Variants in MTHFD1L observed in about 807,000 individuals in gnomAD.
The protein encoded by MTHFD1L is monofunctional C1-tetrahydrofolate synthase, mitochondrial.
Under a neutral mutation model 119.5 loss-of-function variants are expected in MTHFD1L, and 81 were observed. The ratio of observed to expected loss-of-function variants is 0.68; its 90% CI spans 0.57 to 0.82. MTHFD1L has a LOEUF of 0.82. MTHFD1L is among the 40% of genes least tolerant of loss of function. The pLI is 0.00. For missense variants in MTHFD1L, 1,125 were observed against 1,253.4 expected, an observed-to-expected ratio of 0.90 and a Z score of 1.55; for synonymous variants, 430 against 475.2, an observed-to-expected ratio of 0.90 and a Z score of 1.24.
chr6:150,948,001 G>T (rs1462213264), intron 15 of MTHFD1L, among the ~76,000 whole-genome samples: 4 of 151,460 alleles, frequency 2.6e-5, no homozygotes, highest in African/African-American at 7.3e-5. Flanking sequence ...TTTTTTGTTT[G>T]TTTTTTGTTT....
intron 24 of MTHFD1L, among the ~76,000 whole-genome samples, chr6:151,029,813 TAAC>T (rs963162870): frequency 1.3e-5 from 2 of 152,196 alleles, no homozygotes; most frequent in Non-Finnish European, 2.9e-5. Flanking sequence ...TTTTTTTAAA[TAAC>T]AACTCAGCCA....
At chr6:151,015,823 A>C in intron 24 of MTHFD1L, 130 bp downstream of exon 24, 8 of 1,145,176 alleles carry the variant, frequency 7.0e-6, no homozygotes, top group Non-Finnish European at 7.2e-6. Context: ...GCAGTGGCTC[A>C]CGCCTGTAAT....
intron 15 of MTHFD1L, among the ~76,000 whole-genome samples, chr6:150,945,748 GA>G (rs1287965767): frequency 6.6e-6 from 1 of 152,168 alleles, no homozygotes; most frequent in African/African-American, 2.4e-5. Context: ...GAGCCAGGTG[GA>G]CAAATTAATT....
In MTHFD1L at chr6:150,971,985, C is replaced by T; in HGVS notation, c.2052C>T (p.Asn684=). Reference sequence around the variant, plus strand: ...TCGTGCATGCGGGCCCTTTTGCTAACATTGCTCACGGCAACTCTTCAGTGT... The same window carrying T: ...TCGTGCATGCGGGCCCTTTTGCTAATATTGCTCACGGCAACTCTTCAGTGT... ...PVFVHAGPFA[N]IAHGNSSVLA... The change falls in exon 20 of 28, where the codon AAC becomes AAT. Residue 684 remains asparagine, a synonymous_variant. Coordinates refer to ENST00000367321, the MANE Select transcript of MTHFD1L (RefSeq NM_015440.5). 1.2e-6 allele frequency: 2 copies of T among 1,614,160 alleles called. No individual in the cohort carries two copies. The highest frequency in any genetic ancestry group is 1.7e-6 in the Non-Finnish European group (2 of 1,180,016).
chr6:150,998,002 C>T (rs1457169400), intron 20 of MTHFD1L, among the ~76,000 whole-genome samples: 1 of 152,178 alleles, frequency 6.6e-6, no homozygotes, highest in Non-Finnish European at 1.5e-5. Flanking sequence ...GACTCTGTGC[C>T]TGTGACTCTT....
At chr6:151,005,438 G>A (rs1781252958) in intron 20 of MTHFD1L, among the ~76,000 whole-genome samples, 1 of 152,042 alleles carries the variant, frequency 6.6e-6, no homozygotes, top group South Asian at 2.1e-4. Flanking sequence ...AGAGAATTTG[G>A]CACTTTCTTT....
chr6:150,896,236 C>A (rs912533243), intron 7 of MTHFD1L, among the ~76,000 whole-genome samples: 2 of 152,178 alleles, frequency 1.3e-5, no homozygotes, highest in African/African-American at 4.8e-5. Context: ...CCTAGACATT[C>A]GACTTGTGTT....
chr6:150,907,145 C>T (rs1433055490), intron 8 of MTHFD1L, among the ~76,000 whole-genome samples: 1 of 151,920 alleles, frequency 6.6e-6, no homozygotes. Flanking sequence ...GTAATATTTA[C>T]TTGCTGTGTT....
At chr6:150,998,298 G>T (rs1780112816) in intron 20 of MTHFD1L, among the ~76,000 whole-genome samples, 1 of 151,778 alleles carries the variant, frequency 6.6e-6, no homozygotes, top group Non-Finnish European at 1.5e-5. Context: ...TAAAGTTTAA[G>T]ATATTTTCCT....
At chr6:151,027,481 A>G (rs951504610) in intron 24 of MTHFD1L, among the ~76,000 whole-genome samples, 2 of 152,198 alleles carry the variant, frequency 1.3e-5, no homozygotes, top group East Asian at 3.9e-4. Context: ...ATATTAGTCA[A>G]TATTTACAGA....
At position 151,100,577 on chromosome 6, in the gene MTHFD1L, C is replaced by A. The variant is rs182213525; in HGVS notation, c.*32-949C>A. 1.4e-4 allele frequency among the ~76,000 whole-genome samples: 21 copies of A among 151,466 alleles called. 1 individual carries two copies. The highest frequency in any genetic ancestry group is 4.8e-4 in the African/African-American group (20 of 41,286). The stretch of plus-strand genomic sequence containing the variant: ...ATGTGTAAGTTCAGATTAAAGGCAA[C>A]ATATTGCATTTACATTTTAGAGAGG... On this transcript the variant is annotated intron_variant, in intron 27 of 27. Coordinates refer to ENST00000367321, the MANE Select transcript of MTHFD1L (RefSeq NM_015440.5).
chr6:151,040,410 A>G (rs1786916339), intron 26 of MTHFD1L, among the ~76,000 whole-genome samples: 1 of 152,248 alleles, frequency 6.6e-6, no homozygotes, highest in Non-Finnish European at 1.5e-5. Flanking sequence ...AGCATTTAAT[A>G]GCCATTAAAT....
chr6:151,014,169 T>C (rs1432600965), intron 22 of MTHFD1L, among the ~76,000 whole-genome samples: 1 of 152,152 alleles, frequency 6.6e-6, no homozygotes, highest in Non-Finnish European at 1.5e-5. Flanking sequence ...ATCGCACCAC[T>C]GTACTCCAGC....
At chr6:151,094,243 G>C (rs1011211944) in intron 27 of MTHFD1L, among the ~76,000 whole-genome samples, 1 of 152,204 alleles carries the variant, frequency 6.6e-6, no homozygotes, top group Admixed American at 6.5e-5. Flanking sequence ...GGCCTTTGCA[G>C]ATGAGCTTTT....
In MTHFD1L at chr6:150,920,939, A is replaced by ATTTTTTTTTTTTTTTTTTTTTT. The variant is rs869169480; in HGVS notation, c.985-1258_985-1237dup. Among the ~76,000 whole-genome samples, 2 of 96,874 alleles carry ATTTTTTTTTTTTTTTTTTTTTT rather than the reference A, an allele frequency of 2.1e-5. 1 individual carries two copies. Among genetic ancestry groups the ATTTTTTTTTTTTTTTTTTTTTT allele is most frequent in the Non-Finnish European group, 3.9e-5 (2 of 50,754 alleles). The allele number at this position is 96,874 out of a possible 152,430, so 63.6% of individuals were successfully genotyped here. On this transcript the variant is annotated intron_variant, in intron 9 of 27. Coordinates refer to ENST00000367321, the MANE Select transcript of MTHFD1L (RefSeq NM_015440.5). ...AGGCACATGCCACCACACCCAGATA[A>ATTTTTTTTTTTTTTTTTTTTTT]TTTTTTTTTTTTTTTTTTTTTTTTT...
Position 150,989,919 on chromosome 6 carries a change from C to T in MTHFD1L, c.2125+17861C>T, listed in dbSNP as rs491552. On this transcript the variant is annotated intron_variant, in intron 20 of 27. Coordinates refer to ENST00000367321, the MANE Select transcript of MTHFD1L (RefSeq NM_015440.5). ...AAAAACTGCAGAGGAAAATGAACTT[C>T]GTGGTTAAATTAATCACAGCATTTG... Among the ~76,000 whole-genome samples, 585 of 152,122 alleles carry T rather than the reference C, an allele frequency of 3.8e-3. 4 individuals are homozygous for T. Among genetic ancestry groups the T allele is most frequent in the Non-Finnish European group, 6.3e-3 (428 of 67,974 alleles).
chr6:150,885,354 C>A (rs1001515679), intron 5 of MTHFD1L, among the ~76,000 whole-genome samples: 1 of 152,120 alleles, frequency 6.6e-6, no homozygotes, highest in East Asian at 1.9e-4. Flanking sequence ...TGCCATCACG[C>A]CCAGCTACCT....
In MTHFD1L at chr6:151,039,960, A is replaced by G. The variant is rs576180028; in HGVS notation, c.2847+2843A>G. On this transcript the variant is annotated intron_variant, in intron 26 of 27. Coordinates refer to ENST00000367321, the MANE Select transcript of MTHFD1L (RefSeq NM_015440.5). The surrounding 1 kb of genome is among the most constrained non-coding windows in gnomAD (Gnocchi z 4.4). ...TACATACATACATGCATACATGCAT[A>G]CATGCATACATAGAATGGCCTCAGT... 3.4e-4 allele frequency among the ~76,000 whole-genome samples: 51 copies of G among 152,192 alleles called. No individual in the cohort carries two copies. Among genetic ancestry groups the G allele is most frequent in the African/African-American group, 1.1e-3 (45 of 41,526 alleles).
intron 20 of MTHFD1L, among the ~76,000 whole-genome samples, chr6:151,003,436 G>T (rs534796498): frequency 6.6e-6 from 1 of 152,116 alleles, no homozygotes; most frequent in African/African-American, 2.4e-5. Flanking sequence ...GGAGGCTGAG[G>T]CAGGAGAATC....
Sources: gnomAD v4.1 joint callset for allele counts (sites outside exome capture counted in the v4.1 genomes callset) on GRCh38, gnomAD v4.1.1 for gene constraint, Gnocchi (gnomAD v3.1) non-coding constraint, MANE v1.5 for transcripts, NCBI Gene and HGNC (gene_info 2026-07-23, HGNC 2026-07-21) for gene names.